ARHGAP6: variants seen among roughly 807,000 people sequenced by gnomAD.
The protein encoded by ARHGAP6 is Rho GTPase activating protein 6.
Under a neutral mutation model 55.7 loss-of-function variants are expected in ARHGAP6, and 16 were observed. That is an observed-to-expected ratio of 0.29 (90% CI 0.19 to 0.44). ARHGAP6 has a LOEUF of 0.44. Ranked by LOEUF, ARHGAP6 falls within the 20% of genes least tolerant of loss-of-function variation. The pLI, the probability that ARHGAP6 is intolerant of heterozygous loss-of-function variation, is 1.00. For missense variants in ARHGAP6, 698 were observed against 808.9 expected, an observed-to-expected ratio of 0.86 and a Z score of 1.66; for synonymous variants, 382 against 360.9, an observed-to-expected ratio of 1.06 and a Z score of -0.66.
At chrX:11,356,862 G>A (rs1408493283) in intron 1 of ARHGAP6, among the ~76,000 whole-genome samples, 4 of 111,841 alleles carry the variant, frequency 3.6e-5, no homozygotes, top group Non-Finnish European at 7.5e-5. Flanking sequence ...AGAAAATTGA[G>A]AATTTATTTC....
intron 1 of ARHGAP6, among the ~76,000 whole-genome samples, chrX:11,616,328 C>A (rs1180763585): frequency 9.1e-6 from 1 of 110,337 alleles, no homozygotes; most frequent in Non-Finnish European, 1.9e-5. Context: ...CCTCTTTTTT[C>A]TTTTTCTTTT....
intron 1 of ARHGAP6, among the ~76,000 whole-genome samples, chrX:11,435,194 G>A (rs1465633453): frequency 1.8e-5 from 2 of 111,871 alleles, no homozygotes; most frequent in Non-Finnish European, 3.8e-5. Context: ...GAATGATCTG[G>A]TCCCAAATGT....
intron 1 of ARHGAP6, among the ~76,000 whole-genome samples, chrX:11,586,020 C>T (rs1213635125): frequency 2.7e-5 from 3 of 111,428 alleles, no homozygotes; most frequent in African/African-American, 9.8e-5. Context: ...CCATGAGAAA[C>T]CGCCCCCATG....
chrX:11,355,446 A>G (rs1379778941), intron 1 of ARHGAP6, among the ~76,000 whole-genome samples: 4 of 112,475 alleles, frequency 3.6e-5, no homozygotes, highest in Non-Finnish European at 7.5e-5. Context: ...GCAGTAATAG[A>G]AATGCTGACC....
chrX:11,603,544 T>C (rs2052001357), intron 1 of ARHGAP6, among the ~76,000 whole-genome samples: 1 of 111,567 alleles, frequency 9.0e-6, no homozygotes, highest in Admixed American at 9.5e-5. Context: ...TTGAAATACA[T>C]CAGATTTGAG....
At chrX:11,548,359 C>T (rs1396522709) in intron 1 of ARHGAP6, among the ~76,000 whole-genome samples, 1 of 111,122 alleles carries the variant, frequency 9.0e-6, no homozygotes, top group Non-Finnish European at 1.9e-5. Context: ...CTAATTCCTC[C>T]TATCTAGATG....
intron 1 of ARHGAP6, among the ~76,000 whole-genome samples, chrX:11,289,497 G>A (rs2047960366): frequency 8.9e-6 from 1 of 111,756 alleles, no homozygotes. Flanking sequence ...TCCCCAAATG[G>A]AGAGAAGGGA....
At position 11,178,181 on chromosome X, in the gene ARHGAP6, G is replaced by A. The variant is rs765786974; in HGVS notation, c.1548C>T (p.Cys516=). The A allele has an allele frequency of 2.3e-5, 28 of 1,208,840 alleles. No homozygotes were observed. In the East Asian group the frequency reaches 2.7e-4, roughly 12 times the overall value. ...ACTGTAGCAGGCGGTGGAGGGTGTCGCAGTTGCAGGGAGGTAGAAGGTATA... is the reference window on the plus strand; with the variant it reads ...ACTGTAGCAGGCGGTGGAGGGTGTCACAGTTGCAGGGAGGTAGAAGGTATA... ...LLIYLLPPCN[C]DTLHRLLQFL... Residue 516 remains cysteine (C), a synonymous_variant, in exon 8 of 13, where the codon TGC becomes TGT. Coordinates refer to ENST00000337414, the MANE Select transcript of ARHGAP6 (RefSeq NM_013427.3).
chrX:11,521,670 A>G (rs749278640), intron 1 of ARHGAP6, among the ~76,000 whole-genome samples: 1 of 111,261 alleles, frequency 9.0e-6, no homozygotes, highest in East Asian at 2.8e-4. Flanking sequence ...TGAACTTTAA[A>G]GTAGTTTTTT....
At chrX:11,188,423 G>T (rs1410909370) in intron 4 of ARHGAP6, among the ~76,000 whole-genome samples, 1 of 112,001 alleles carries the variant, frequency 8.9e-6, no homozygotes, top group Non-Finnish European at 1.9e-5. Flanking sequence ...TAGTGGGCAA[G>T]TATGGCAAGA....
rs762883237 is a variant in ARHGAP6, at chrX:11,606,163, T to C, written c.588+58078A>G. On this transcript the variant is annotated intron_variant, in intron 1 of 12. Coordinates refer to ENST00000337414, the MANE Select transcript of ARHGAP6 (RefSeq NM_013427.3). ...CAATTTAATTTCACCATAAAGAAGA[T>C]AGCAACAAAGATTTAGTTTATTGAA... Among the ~76,000 whole-genome samples, 6 of 112,204 alleles carry C rather than the reference T, an allele frequency of 5.3e-5. No homozygotes were observed. The South Asian group carries it at 1.1e-3, about 21-fold the overall frequency.
intron 1 of ARHGAP6, among the ~76,000 whole-genome samples, chrX:11,473,433 G>A (rs1432651499): frequency 2.8e-5 from 3 of 108,804 alleles, no homozygotes; most frequent in Middle Eastern, 9.6e-3. Context: ...TGGTCACATT[G>A]GATTCGGGAG....
intron 1 of ARHGAP6, among the ~76,000 whole-genome samples, chrX:11,382,383 T>A (rs1161123703): frequency 1.8e-5 from 2 of 111,475 alleles, no homozygotes; most frequent in Non-Finnish European, 3.8e-5. Flanking sequence ...TAATAATAAT[T>A]AAATAAAGAG....
intron 1 of ARHGAP6, among the ~76,000 whole-genome samples, chrX:11,491,699 C>T (rs2050570804): frequency 9.0e-6 from 1 of 111,399 alleles, no homozygotes; most frequent in South Asian, 3.8e-4. Flanking sequence ...TTTATAGCAG[C>T]ATGATTTATA....
At chrX:11,574,569 C>T (rs7063297) in intron 1 of ARHGAP6, among the ~76,000 whole-genome samples, 5 of 108,464 alleles carry the variant, frequency 4.6e-5, no homozygotes, top group African/African-American at 1.3e-4. Flanking sequence ...ATTGATGGGA[C>T]GTATCTCAAA....
intron 1 of ARHGAP6, among the ~76,000 whole-genome samples, chrX:11,431,311 A>T (rs2049938708): frequency 8.9e-6 from 1 of 112,725 alleles, no homozygotes; most frequent in Non-Finnish European, 1.9e-5. Flanking sequence ...GTCCCTAAAC[A>T]TTACAGCATT....
intron 1 of ARHGAP6, among the ~76,000 whole-genome samples, chrX:11,567,218 T>C (rs745960939): frequency 1.2e-4 from 13 of 111,575 alleles, no homozygotes; most frequent in Non-Finnish European, 2.4e-4. Flanking sequence ...AAGTGGAGTC[T>C]GAAACAAGGA....
At chrX:11,335,842 G>A (rs1002449114) in intron 1 of ARHGAP6, 7 of 235,297 alleles carry the variant, frequency 3.0e-5, no homozygotes, top group South Asian at 1.1e-4. Context: ...CCATGGTGGG[G>A]AGGCCTAGGT....
rs764277160 is a variant in ARHGAP6 at position 11,188,750 on chromosome X, G to A, written c.1055C>T (p.Pro352Leu). The A allele has an allele frequency of 7.4e-6, 9 of 1,209,794 alleles. No homozygotes were observed. In the African/African-American group the frequency reaches 8.7e-5, roughly 12 times the overall value. Residue 352 changes from proline to leucine, a missense_variant, in exon 4 of 13, where the codon CCG (proline) becomes CTG (leucine). Physicochemically the swap from Pro to Leu is moderately conservative, Grantham distance 98 (BLOSUM62 -3). Coordinates refer to ENST00000337414, the MANE Select transcript of ARHGAP6 (RefSeq NM_013427.3). ...NESTSPNTPE[P>L]APRARRRGAM... ...CACCCTCCTCCTAGCCCGAGGAGCC[G>A]GTTCCGGGGTGTTTGGGGACGTTGA...
Sources: gnomAD v4.1 joint callset for allele counts (sites outside exome capture counted in the v4.1 genomes callset) on GRCh38, gnomAD v4.1.1 for gene constraint, MANE v1.5 for transcripts, NCBI Gene and HGNC (gene_info 2026-07-23, HGNC 2026-07-21) for gene names.